Variants in RPS6KC1 observed in about 807,000 individuals in gnomAD.
The protein encoded by RPS6KC1 is ribosomal protein S6 kinase C1.
RPS6KC1 carries 54 observed loss-of-function variants against 103.8 expected under a neutral mutation model. The observed-to-expected ratio is 0.52, with a 90% CI of 0.42 to 0.65. The LOEUF is 0.65. Among genes scored for constraint, RPS6KC1 ranks in the 30% least tolerant of loss-of-function variants. The pLI, the probability that RPS6KC1 is intolerant of heterozygous loss-of-function variation, is 0.00. For synonymous variants in RPS6KC1, 439 were observed against 438.7 expected (o/e 1.00, Z -0.01); for missense variants, 1,151 against 1,253.8 (o/e 0.92, Z 1.24).
the RPS6KC1 span, among the ~76,000 whole-genome samples, chr1:213,485,875 A>C: frequency 1.3e-5 from 2 of 152,240 alleles, no homozygotes; most frequent in African/African-American, 4.8e-5. Flanking sequence ...GAAGCAGTGC[A>C]GGAAGAAAAA....
chr1:213,654,544 G>A, the RPS6KC1 span, among the ~76,000 whole-genome samples: 1 of 152,114 alleles, frequency 6.6e-6, no homozygotes, highest in Admixed American at 6.5e-5. Context: ...TAATCCAAAA[G>A]CATAATCTCA....
At chr1:213,643,491 G>T in the RPS6KC1 span, among the ~76,000 whole-genome samples, 3 of 151,334 alleles carry the variant, frequency 2.0e-5, no homozygotes, top group African/African-American at 4.9e-5. Context: ...TGCTTATCTG[G>T]TATCCAGAAT....
the RPS6KC1 span, among the ~76,000 whole-genome samples, chr1:213,583,613 G>A: frequency 6.6e-6 from 1 of 152,080 alleles, no homozygotes; most frequent in Non-Finnish European, 1.5e-5. Flanking sequence ...CTGAGGTCAG[G>A]AGTTCGAGAC....
the RPS6KC1 span, among the ~76,000 whole-genome samples, chr1:213,421,422 A>G: frequency 2.0e-5 from 3 of 152,150 alleles, no homozygotes; most frequent in Admixed American, 6.5e-5. Context: ...CCTCCAATGT[A>G]TCTTTTTTGA....
chr1:213,546,712 A>G, the RPS6KC1 span, among the ~76,000 whole-genome samples: 1 of 152,224 alleles, frequency 6.6e-6, no homozygotes, highest in Non-Finnish European at 1.5e-5. Context: ...TTACAGAACT[A>G]TTGAACAGAT....
the RPS6KC1 span, among the ~76,000 whole-genome samples, chr1:213,473,630 G>A: frequency 6.6e-6 from 1 of 152,154 alleles, no homozygotes; most frequent in Non-Finnish European, 1.5e-5. Context: ...TATAGGGAAG[G>A]GAGTAGGACA....
At chr1:213,500,619 AAC>A in the RPS6KC1 span, among the ~76,000 whole-genome samples, 1 of 152,216 alleles carries the variant, frequency 6.6e-6, no homozygotes, top group South Asian at 2.1e-4. Context: ...TATCACCACA[AAC>A]ACATGAGTAT....
At chr1:213,801,174 C>T in the RPS6KC1 span, among the ~76,000 whole-genome samples, 1 of 152,128 alleles carries the variant, frequency 6.6e-6, no homozygotes, top group Non-Finnish European at 1.5e-5. Context: ...CTAAATGCAG[C>T]CCCATCTGCA....
chr1:213,471,155 T>C, the RPS6KC1 span, among the ~76,000 whole-genome samples: 1 of 152,126 alleles, frequency 6.6e-6, no homozygotes, highest in Non-Finnish European at 1.5e-5. Context: ...AATAAAGTTG[T>C]CCCCACTCTT....
the RPS6KC1 span, among the ~76,000 whole-genome samples, chr1:213,632,727 G>A: frequency 1.3e-5 from 2 of 152,192 alleles, no homozygotes; most frequent in Non-Finnish European, 2.9e-5. Flanking sequence ...GGCTTCAGAA[G>A]GTTGGTAATA....
chr1:213,406,479 CT>C, the RPS6KC1 span, among the ~76,000 whole-genome samples: 1 of 152,070 alleles, frequency 6.6e-6, no homozygotes, highest in Non-Finnish European at 1.5e-5. Context: ...GGCCACCAGA[CT>C]TTCCCTGGAG....
At chr1:213,590,600 G>T in the RPS6KC1 span, among the ~76,000 whole-genome samples, 1 of 152,170 alleles carries the variant, frequency 6.6e-6, no homozygotes, top group Non-Finnish European at 1.5e-5. Context: ...GATGTCCTGA[G>T]TTGGGGTGAA....
the RPS6KC1 span, among the ~76,000 whole-genome samples, chr1:213,347,990 A>G: frequency 1.3e-5 from 2 of 152,116 alleles, no homozygotes; most frequent in Non-Finnish European, 2.9e-5. Context: ...GGCATATTCA[A>G]GGAGGTCTGT....
the RPS6KC1 span, among the ~76,000 whole-genome samples, chr1:213,654,431 C>T: frequency 2.0e-5 from 3 of 152,264 alleles, no homozygotes; most frequent in East Asian, 1.9e-4. Flanking sequence ...GTTAAGGAGG[C>T]GACTTTGAAT....
At chr1:213,268,420 C>T (rs2094960625) in intron 14 of RPS6KC1, among the ~76,000 whole-genome samples, 2 of 151,904 alleles carry the variant, frequency 1.3e-5, no homozygotes, top group South Asian at 4.2e-4. Flanking sequence ...AGAAATACCA[C>T]AGGAATTCCT....
At chr1:213,544,226 C>T in the RPS6KC1 span, among the ~76,000 whole-genome samples, 16 of 152,054 alleles carry the variant, frequency 1.1e-4, no homozygotes, top group African/African-American at 1.7e-4. Context: ...AAAGTGAAGG[C>T]GAGAGAATCC....
the RPS6KC1 span, among the ~76,000 whole-genome samples, chr1:213,394,205 T>C: frequency 5.1e-4 from 78 of 152,300 alleles, no homozygotes; most frequent in African/African-American, 1.6e-3. Context: ...GGAGCCTGCC[T>C]GAAAACCTGG....
chr1:213,200,467 C>G (rs1038160055), intron 8 of RPS6KC1, among the ~76,000 whole-genome samples: 11 of 152,118 alleles, frequency 7.2e-5, no homozygotes, highest in African/African-American at 2.2e-4. Flanking sequence ...TTCCTTACAC[C>G]ATTTTCAAAA....
chr1:213,100,377 G>A (rs755144590), intron 3 of RPS6KC1, among the ~76,000 whole-genome samples: 5 of 151,930 alleles, frequency 3.3e-5, no homozygotes, highest in South Asian at 2.1e-4. Context: ...TCAGTTGTTC[G>A]TCTATTCATG....
Sources: gnomAD v4.1 joint callset for allele counts (sites outside exome capture counted in the v4.1 genomes callset) on GRCh38, gnomAD v4.1.1 for gene constraint, MANE v1.5 for transcripts, NCBI Gene and HGNC (gene_info 2026-07-23, HGNC 2026-07-21) for gene names.